Variants in ARHGEF5 observed in about 807,000 individuals in gnomAD.
ARHGEF5 encodes the protein Rho guanine nucleotide exchange factor (GEF) 5.
A neutral mutation model predicts 104.0 loss-of-function variants in ARHGEF5; 11 were observed. The ratio of observed to expected loss-of-function variants is 0.11; its 90% CI spans 0.07 to 0.18. The LOEUF is 0.18. ARHGEF5 is among the 10% of genes least tolerant of loss of function. ARHGEF5 has a pLI of 1.00. For synonymous variants in ARHGEF5, 60 were observed against 512.2 expected (o/e 0.12, Z 11.92); for missense variants, 165 against 1,335.4 (o/e 0.12, Z 13.66).
At chr7:144,359,925 G>A (rs750247187) in intron 1 of ARHGEF5, among the ~76,000 whole-genome samples, 23,997 of 120,964 alleles carry the variant, frequency 0.2, 235 homozygotes, top group Non-Finnish European at 0.26. Context: ...AGCTGTGGCC[G>A]GGTGCAGTGG....
chr7:144,378,899 G>T lies in ARHGEF5; in HGVS notation c.4636+33G>T, dbSNP rs141101644. ...GGAGCATGCGTGAGCAGCAGGCCAG[G>T]CACTGCAGGCAGGGCAGTGCTGGGA... On this transcript the variant is annotated intron_variant, in intron 14 of 14. Coordinates refer to ENST00000056217, the MANE Select transcript of ARHGEF5 (RefSeq NM_005435.4). 7.5e-3 allele frequency: 11,850 copies of T among 1,589,246 alleles called. 100 individuals are homozygous for T. Among genetic ancestry groups the T allele is most frequent in the Middle Eastern group, 0.035 (208 of 6,008 alleles).
chr7:144,363,785 C>A lies in ARHGEF5; in HGVS notation c.1116C>A (p.Ser372Arg). ...HGIKEKGVPVSGQEAKEPESW... is the reference protein window; with the variant it reads ...HGIKEKGVPVRGQEAKEPESW... ...TAAAGGAGAAAGGGGTGCCAGTCAGCGGGCAGGAGGCGAAAGAGCCAGAGA... is the reference window on the plus strand; with the variant it reads ...TAAAGGAGAAAGGGGTGCCAGTCAGAGGGCAGGAGGCGAAAGAGCCAGAGA... The change falls in exon 2 of 15, where the codon AGC becomes AGA. Residue 372 changes from serine (S) to arginine (R), a missense_variant. Ser to Arg is a moderately radical substitution (Grantham distance 110). Coordinates refer to ENST00000056217, the MANE Select transcript of ARHGEF5 (RefSeq NM_005435.4). The A allele has an allele frequency of 6.6e-7, 1 of 1,516,064 alleles. No homozygotes were observed. The highest frequency in any genetic ancestry group is 9.0e-7 in the Non-Finnish European group (1 of 1,106,888). The allele number at this position is 1,516,064 out of a possible 1,614,324, so 93.9% of individuals were successfully genotyped here.
At chr7:144,359,453 G>A (rs1335506933) in intron 1 of ARHGEF5, among the ~76,000 whole-genome samples, 2 of 144,018 alleles carry the variant, frequency 1.4e-5, no homozygotes, top group African/African-American at 2.5e-5. Flanking sequence ...GGCCAACTAG[G>A]CTTCAGGCAG....
In ARHGEF5 at chr7:144,364,908, C is replaced by CGTGTA; in HGVS notation, c.2243_2247dup (p.Val750Ter). On this transcript the variant is annotated frameshift_variant, in exon 2 of 15. Coordinates refer to ENST00000056217, the MANE Select transcript of ARHGEF5 (RefSeq NM_005435.4). LOFTEE classifies it high-confidence loss of function. ...CGTGGTGGAGACAGATGGCCATGCT[C>CGTGTA]GTGTAGTGGTTCCCACGCTGAAGCA... The CGTGTA allele has an allele frequency of 1.9e-6, 1 of 522,236 alleles. No homozygotes were observed. Among genetic ancestry groups the CGTGTA allele is most frequent in the Non-Finnish European group, 3.3e-6 (1 of 304,878 alleles). 32.4% of individuals were successfully genotyped at this position (522,236 alleles called of 1,614,324 possible). A position where few individuals can be genotyped will look rare whatever the true frequency, so the allele number is the denominator to read the frequency against.
At chr7:144,372,943 A>T (rs1336248017) in intron 9 of ARHGEF5, among the ~76,000 whole-genome samples, 186 bp downstream of exon 9, 1 of 133,996 alleles carries the variant, frequency 7.5e-6, no homozygotes, top group Admixed American at 7.3e-5. Context: ...CGCCGAGCAC[A>T]CTCCACATCA....
At position 144,360,350 on chromosome 7, in the gene ARHGEF5, A is replaced by G. The variant is rs79225988; in HGVS notation, c.-12-2308A>G. Among the ~76,000 whole-genome samples, 60 of 100,894 alleles carry G rather than the reference A, an allele frequency of 5.9e-4. 2 individuals are homozygous for G. In the South Asian group the frequency reaches 7.4e-3, roughly 12 times the overall value. 66.2% of individuals were successfully genotyped at this position (100,894 alleles called of 152,430 possible). A position where few individuals can be genotyped will look rare whatever the true frequency, so the allele number is the denominator to read the frequency against. On this transcript the variant is annotated intron_variant, in intron 1 of 14. Coordinates refer to ENST00000056217, the MANE Select transcript of ARHGEF5 (RefSeq NM_005435.4). ...GGTCTCAAACTCCTAGATTCAAGCAATCAACCTGCCTCAGCCTCCCAGAGT... is the reference window on the plus strand; with the variant it reads ...GGTCTCAAACTCCTAGATTCAAGCAGTCAACCTGCCTCAGCCTCCCAGAGT...
At chr7:144,379,487 G>A (rs994004246) in intron 14 of ARHGEF5, among the ~76,000 whole-genome samples, 2 of 152,098 alleles carry the variant, frequency 1.3e-5, no homozygotes, top group Admixed American at 1.3e-4. Context: ...TGGGATTACA[G>A]GCGTGAGCCA....
chr7:144,370,702 G>A (rs2053716685), intron 5 of ARHGEF5, among the ~76,000 whole-genome samples: 1 of 148,548 alleles, frequency 6.7e-6, no homozygotes, highest in Admixed American at 6.8e-5. Flanking sequence ...CCAGACTCAA[G>A]TGATGCACCC....
intron 1 of ARHGEF5, among the ~76,000 whole-genome samples, chr7:144,360,517 G>A (rs2053629989): frequency 1.1e-5 from 1 of 90,494 alleles, no homozygotes; most frequent in Non-Finnish European, 2.4e-5. Context: ...TATTTTTAAT[G>A]ACATGTATGC....
intron 13 of ARHGEF5, among the ~76,000 whole-genome samples, chr7:144,377,558 C>A (rs1405794793): frequency 1.3e-5 from 2 of 151,894 alleles, no homozygotes; most frequent in Non-Finnish European, 2.9e-5. Flanking sequence ...AGGATAGCAC[C>A]CCAGATCTAT....
intron 1 of ARHGEF5, among the ~76,000 whole-genome samples, chr7:144,360,491 T>G (rs1218009921): frequency 1.1e-5 from 1 of 89,006 alleles, no homozygotes; most frequent in Non-Finnish European, 2.4e-5. Flanking sequence ...CATACATATT[T>G]AAAGAAGCAT....
At chr7:144,370,641 T>C (rs1353900499) in intron 5 of ARHGEF5, among the ~76,000 whole-genome samples, 2 of 148,448 alleles carry the variant, frequency 1.3e-5, no homozygotes, top group East Asian at 1.9e-4. Context: ...AATTTTTGTA[T>C]TTTTTGTAGA....
chr7:144,377,799 C>G (rs982180067), intron 13 of ARHGEF5, among the ~76,000 whole-genome samples: 1 of 152,114 alleles, frequency 6.6e-6, no homozygotes, highest in Non-Finnish European at 1.5e-5. Flanking sequence ...AAAGAACAAA[C>G]AACTACAAGG....
chr7:144,379,453 A>G (rs1459943056), intron 14 of ARHGEF5, among the ~76,000 whole-genome samples: 2 of 151,670 alleles, frequency 1.3e-5, no homozygotes, highest in African/African-American at 4.9e-5. Context: ...CAAGCAGTCC[A>G]CCCACCTCGG....
chr7:144,362,543 AAAG>A (rs1377447831), intron 1 of ARHGEF5, 112 bp from the exon 2 acceptor site: 7,187 of 595,346 alleles, frequency 0.012, no homozygotes, highest in East Asian at 0.079. Context: ...CTGTTGTCTC[AAAG>A]AATGACCCTA....
At chr7:144,360,638 G>C (rs1425089466) in intron 1 of ARHGEF5, among the ~76,000 whole-genome samples, 1 of 113,994 alleles carries the variant, frequency 8.8e-6, no homozygotes, top group East Asian at 2.3e-4. Context: ...TTTAGGAAAA[G>C]GTGGGCATAT....
In ARHGEF5 at chr7:144,380,497, C is replaced by T. The variant is rs1287644797; in HGVS notation, c.*441C>T. 6.3e-6 allele frequency: 1 copy of T among 159,564 alleles called. No individual in the cohort carries two copies. The highest frequency in any genetic ancestry group is 1.4e-5 in the Non-Finnish European group (1 of 71,896). The allele number at this position is 159,564 out of a possible 1,614,324, so 9.9% of individuals were successfully genotyped here. On this transcript the variant is annotated 3_prime_UTR_variant, in exon 15 of 15. Transcript: ENST00000056217. Reference sequence around the variant, plus strand: ...CAGATGGGAGGGTCAGCCCGGTGACCTCTAAGGTATCTTCTAACCTAGAAA... The same window carrying T: ...CAGATGGGAGGGTCAGCCCGGTGACTTCTAAGGTATCTTCTAACCTAGAAA...
At chr7:144,375,863 G>A (rs2053759142) in intron 12 of ARHGEF5, among the ~76,000 whole-genome samples, 188 bp downstream of exon 12, 1 of 152,416 alleles carries the variant, frequency 6.6e-6, no homozygotes, top group Middle Eastern at 3.4e-3. Context: ...AGATTGGGGT[G>A]GGAGAGGGTA....
chr7:144,378,877 G>A lies in ARHGEF5; in HGVS notation c.4636+11G>A, dbSNP rs1587074884. ...AGCAGAGCAGTGACGGTAAGCGGGAGCATGCGTGAGCAGCAGGCCAGGCAC... is the reference window on the plus strand; with the variant it reads ...AGCAGAGCAGTGACGGTAAGCGGGAACATGCGTGAGCAGCAGGCCAGGCAC... On this transcript the variant is annotated intron_variant, in intron 14 of 14. Transcript: ENST00000056217. 2 of 1,611,392 alleles carry A rather than the reference G, an allele frequency of 1.2e-6. No homozygotes were observed. Among genetic ancestry groups the A allele is most frequent in the Non-Finnish European group, 1.7e-6 (2 of 1,177,616 alleles).
Sources: allele counts gnomAD v4.1 joint callset (sites outside exome capture counted in the v4.1 genomes callset), GRCh38; gene constraint gnomAD v4.1.1; transcripts MANE v1.5; gene names NCBI Gene and HGNC (gene_info 2026-07-23, HGNC 2026-07-21).